Variants in ITFG1 observed in about 807,000 individuals in gnomAD.
The protein encoded by ITFG1 is integrin alpha FG-GAP repeat containing 1.
Under a neutral mutation model 81.8 loss-of-function variants are expected in ITFG1, and 34 were observed. The ratio of observed to expected loss-of-function variants is 0.42; its 90% CI spans 0.32 to 0.55. ITFG1 has a LOEUF of 0.55. Among genes scored for constraint, ITFG1 ranks in the 20% least tolerant of loss-of-function variants. ITFG1 has a pLI of 0.17. For synonymous variants in ITFG1, 285 were observed against 270.6 expected (o/e 1.05, Z -0.52); for missense variants, 672 against 755.4 (o/e 0.89, Z 1.29).
intron 8 of ITFG1, among the ~76,000 whole-genome samples, chr16:47,353,644 T>C (rs894138015): frequency 1.3e-5 from 2 of 151,928 alleles, no homozygotes; most frequent in African/African-American, 4.8e-5. Flanking sequence ...TATATAACCC[T>C]AGACTCCATC....
At chr16:47,337,680 C>G (rs1967725384) in intron 8 of ITFG1, among the ~76,000 whole-genome samples, 1 of 152,178 alleles carries the variant, frequency 6.6e-6, no homozygotes, top group African/African-American at 2.4e-5. Flanking sequence ...CTCAACACAA[C>G]CAATAAAATC....
intron 7 of ITFG1, among the ~76,000 whole-genome samples, chr16:47,370,569 A>C (rs912158534): frequency 1.3e-5 from 2 of 152,260 alleles, no homozygotes; most frequent in African/African-American, 4.8e-5. Flanking sequence ...CCAAGTTTTT[A>C]GATGCCACTA....
rs1967252268 is a variant in ITFG1 at position 47,311,104 on chromosome 16, C to T, written c.1070+136G>A. On this transcript the variant is annotated intron_variant, in intron 10 of 17. Transcript: ENST00000320640. ...GAAGTGCAGGGACCAAATTTAAAAA[C>T]AGGAACTGAGCTCACCATGTTCCTT... is the stretch of plus-strand genomic sequence containing the variant. 1.3e-5 allele frequency: 6 copies of T among 471,444 alleles called. No individual in the cohort carries two copies. In the Admixed American group the frequency reaches 2.6e-4, roughly 20 times the overall value. 29.2% of individuals were successfully genotyped at this position (471,444 alleles called of 1,614,324 possible). A position where few individuals can be genotyped will look rare whatever the true frequency, so the allele number is the denominator to read the frequency against.
intron 6 of ITFG1, among the ~76,000 whole-genome samples, chr16:47,402,726 C>G (rs764922769): frequency 6.6e-6 from 1 of 152,090 alleles, no homozygotes; most frequent in Non-Finnish European, 1.5e-5. Flanking sequence ...AAATTAATCA[C>G]GCACATAAGG....
At chr16:47,424,805 A>G (rs1460724748) in intron 6 of ITFG1, among the ~76,000 whole-genome samples, 1 of 152,030 alleles carries the variant, frequency 6.6e-6, no homozygotes, top group Non-Finnish European at 1.5e-5. Flanking sequence ...CTTCCTCTGG[A>G]AGCTTTGTCC....
chr16:47,364,618 G>A (rs1318218157), intron 8 of ITFG1, among the ~76,000 whole-genome samples: 1 of 151,944 alleles, frequency 6.6e-6, no homozygotes, highest in Non-Finnish European at 1.5e-5. Context: ...CTTGACTATT[G>A]GCATTAAAAA....
At chr16:47,311,937 T>A (rs1394732178) in intron 9 of ITFG1, 1 of 152,144 alleles carries the variant, frequency 6.6e-6, no homozygotes, top group Non-Finnish European at 1.5e-5. Context: ...AGCTCCTGAG[T>A]CTTTCCAAAC....
At chr16:47,437,782 C>T (rs1205245240) in intron 5 of ITFG1, among the ~76,000 whole-genome samples, 5 of 152,182 alleles carry the variant, frequency 3.3e-5, no homozygotes, top group Non-Finnish European at 7.3e-5. Flanking sequence ...ACGTAGAAGA[C>T]GGGTGATTTC....
chr16:47,310,396 G>A (rs577330908), intron 10 of ITFG1, among the ~76,000 whole-genome samples: 1 of 152,238 alleles, frequency 6.6e-6, no homozygotes, highest in African/African-American at 2.4e-5. Context: ...GAAAAATAAT[G>A]TAAAAGGAAA....
At chr16:47,246,375 ATG>A (rs1013004005) in intron 12 of ITFG1, among the ~76,000 whole-genome samples, 1 of 152,208 alleles carries the variant, frequency 6.6e-6, no homozygotes, top group African/African-American at 2.4e-5. Flanking sequence ...TGCCATAGAT[ATG>A]TGTTATAAAA....
chr16:47,333,175 T>C (rs1174283258), intron 8 of ITFG1, among the ~76,000 whole-genome samples: 3 of 152,200 alleles, frequency 2.0e-5, no homozygotes, highest in African/African-American at 7.2e-5. Context: ...GTAGAGGTTA[T>C]TTTATATGTA....
chr16:47,335,125 G>A (rs1967685743), intron 8 of ITFG1, among the ~76,000 whole-genome samples: 2 of 152,196 alleles, frequency 1.3e-5, no homozygotes, highest in South Asian at 4.1e-4. Flanking sequence ...GGGAGGCCGA[G>A]GAGGGTGGAT....
At chr16:47,319,269 A>G (rs931573613) in intron 8 of ITFG1, among the ~76,000 whole-genome samples, 1 of 152,228 alleles carries the variant, frequency 6.6e-6, no homozygotes, top group African/African-American at 2.4e-5. Flanking sequence ...ATTGCAGATA[A>G]AAGTTTTCCA....
chr16:47,354,986 C>T (rs1968018586), intron 8 of ITFG1, among the ~76,000 whole-genome samples: 2 of 151,910 alleles, frequency 1.3e-5, no homozygotes, highest in Non-Finnish European at 2.9e-5. Context: ...TATGGAGTTT[C>T]CTAAAAAAAT....
intron 10 of ITFG1, among the ~76,000 whole-genome samples, chr16:47,268,074 G>GA (rs1966297390): frequency 6.6e-6 from 1 of 151,714 alleles, no homozygotes; most frequent in Non-Finnish European, 1.5e-5. Context: ...AAAAAATAGA[G>GA]AAAAATCAAT....
At chr16:47,307,220 T>A (rs1360781608) in intron 10 of ITFG1, among the ~76,000 whole-genome samples, 1 of 146,292 alleles carries the variant, frequency 6.8e-6, no homozygotes, top group Non-Finnish European at 1.5e-5. Context: ...TTAGAGAAAA[T>A]TTAAAAATCA....
rs1964688058 is a variant in ITFG1 at position 47,155,459 on chromosome 16, A to C, written c.*260T>G. On this transcript the variant is annotated 3_prime_UTR_variant, in exon 18 of 18. Coordinates refer to ENST00000320640, the MANE Select transcript of ITFG1 (RefSeq NM_030790.5). ...AAGATTATAAATACACAAACACTGG[A>C]GTACATGCAACACATTCCACAAAGG... The C allele has an allele frequency of 3.8e-6, 1 of 263,996 alleles. No homozygotes were observed. The allele number at this position is 263,996 out of a possible 1,614,324, so 16.4% of individuals were successfully genotyped here.
At chr16:47,372,601 G>T (rs1261851647) in intron 7 of ITFG1, among the ~76,000 whole-genome samples, 2 of 151,988 alleles carry the variant, frequency 1.3e-5, no homozygotes, top group African/African-American at 4.8e-5. Context: ...CTACAGGCAT[G>T]TGCCACCACA....
intron 5 of ITFG1, among the ~76,000 whole-genome samples, chr16:47,445,983 C>A (rs1432933810): frequency 6.6e-6 from 1 of 152,008 alleles, no homozygotes; most frequent in Non-Finnish European, 1.5e-5. Context: ...TATTTGTGAG[C>A]CTGTGGTAGT....
Sources: gnomAD v4.1 joint callset for allele counts (sites outside exome capture counted in the v4.1 genomes callset) on GRCh38, gnomAD v4.1.1 for gene constraint, MANE v1.5 for transcripts, NCBI Gene and HGNC (gene_info 2026-07-23, HGNC 2026-07-21) for gene names.